The following HTR2C variants were observed in gnomAD, a reference collection of about 807,000 sequenced individuals.
The protein encoded by HTR2C is 5-hydroxytryptamine receptor 2C.
Under a neutral mutation model 21.0 loss-of-function variants are expected in HTR2C, and 5 were observed. That is an observed-to-expected ratio of 0.24 (90% CI 0.12 to 0.50). The LOEUF (loss-of-function observed/expected upper bound fraction) is 0.50, where lower values mean the gene tolerates loss of function less well. Among genes scored for constraint, HTR2C ranks in the 20% least tolerant of loss-of-function variants. The probability of loss-of-function intolerance (pLI) is 0.98; values close to 1 mark genes in which losing one functional copy is unlikely to be tolerated. For synonymous variants in HTR2C, 150 were observed against 145.3 expected, an observed-to-expected ratio of 1.03 and a Z score of -0.23; for missense variants, 271 against 371.2, an observed-to-expected ratio of 0.73 and a Z score of 2.22.
At chrX:114,764,863 CAA>C (rs1556433908) in intron 4 of HTR2C, among the ~76,000 whole-genome samples, 2 of 104,721 alleles carry the variant, frequency 1.9e-5, no homozygotes, top group African/African-American at 7.2e-5. Flanking sequence ...TTCATGGAAT[CAA>C]TCTTTCTTTC....
intron 4 of HTR2C, among the ~76,000 whole-genome samples, chrX:114,789,589 G>A (rs1373881147): frequency 3.6e-5 from 4 of 110,955 alleles, no homozygotes; most frequent in African/African-American, 1.3e-4. Flanking sequence ...TTAAAAAAAT[G>A]TTAACGACCT....
rs782026586 is a variant in HTR2C at position 114,795,406 on chromosome X, T to G, written c.350-52597T>G. On this transcript the variant is annotated intron_variant, in intron 4 of 5. Coordinates refer to ENST00000276198, the MANE Select transcript of HTR2C (RefSeq NM_000868.4). Reference sequence around the variant, plus strand: ...TGTCAATTTTGGCTTTTGTTGCCATTGCTTTTGGTGTTTTAGACATGAAGT... The same window carrying G: ...TGTCAATTTTGGCTTTTGTTGCCATGGCTTTTGGTGTTTTAGACATGAAGT... Among the ~76,000 whole-genome samples the G allele has an allele frequency of 5.3e-3, 591 of 111,146 alleles. 4 individuals carry two copies. The highest frequency in any genetic ancestry group is 0.018 in the African/African-American group (566 of 30,638).
intron 4 of HTR2C, among the ~76,000 whole-genome samples, chrX:114,837,759 C>A (rs1320743635): frequency 9.1e-6 from 1 of 109,965 alleles, no homozygotes; most frequent in Non-Finnish European, 1.9e-5. Context: ...CAAAGTTATA[C>A]AAGTTAGTTT....
At chrX:114,885,781 G>A (rs1367651991) in intron 5 of HTR2C, among the ~76,000 whole-genome samples, 3 of 111,147 alleles carry the variant, frequency 2.7e-5, no homozygotes, top group Admixed American at 9.6e-5. Flanking sequence ...AAGAATGCAA[G>A]AAAAATAAAT....
At chrX:114,856,352 C>G (rs1488551554) in intron 5 of HTR2C, among the ~76,000 whole-genome samples, 2 of 99,543 alleles carry the variant, frequency 2.0e-5, no homozygotes, top group African/African-American at 7.3e-5. Context: ...ACATTCCATG[C>G]TCATGGGTAG....
intron 2 of HTR2C, among the ~76,000 whole-genome samples, chrX:114,690,750 C>T (rs1348427217): frequency 9.0e-6 from 1 of 111,068 alleles, no homozygotes; most frequent in Non-Finnish European, 1.9e-5. Flanking sequence ...GAACTCAATA[C>T]GGATTAAAAA....
At chrX:114,641,058 TTCTTTTCTTTTC>T (rs1262696003) in intron 2 of HTR2C, among the ~76,000 whole-genome samples, 8 of 102,092 alleles carry the variant, frequency 7.8e-5, no homozygotes, top group African/African-American at 3.1e-4. Context: ...CTTTCTTTTT[TTCTTTTCTTTTC>T]TTTTCTTTTC....
intron 2 of HTR2C, among the ~76,000 whole-genome samples, chrX:114,715,961 C>T (rs782461695): frequency 5.3e-5 from 6 of 112,567 alleles, no homozygotes; most frequent in East Asian, 2.8e-4. Flanking sequence ...AATAAGCAAT[C>T]GATAAATATT....
At chrX:114,783,043 AAGT>A (rs1393731949) in intron 4 of HTR2C, among the ~76,000 whole-genome samples, 1 of 112,001 alleles carries the variant, frequency 8.9e-6, no homozygotes, top group Non-Finnish European at 1.9e-5. Flanking sequence ...TTAGCAGAAT[AAGT>A]AGACTGCATT....
chrX:114,844,249 T>G (rs73222956), intron 4 of HTR2C, among the ~76,000 whole-genome samples: 24 of 111,669 alleles, frequency 2.1e-4, no homozygotes, highest in Non-Finnish European at 3.6e-4. Flanking sequence ...AGGATGAAGA[T>G]GTAAAGAAGC....
intron 5 of HTR2C, among the ~76,000 whole-genome samples, chrX:114,893,350 G>A (rs1401392840): frequency 9.0e-6 from 1 of 111,397 alleles, no homozygotes; most frequent in African/African-American, 3.3e-5. Context: ...ATTGGCACAA[G>A]AATAAAGAAA....
At chrX:114,626,181 C>T (rs1556402765) in intron 2 of HTR2C, among the ~76,000 whole-genome samples, 2 of 105,297 alleles carry the variant, frequency 1.9e-5, no homozygotes, top group East Asian at 2.9e-4. Flanking sequence ...TGGGACTGGC[C>T]AGCCTAGGCA....
chrX:114,712,420 T>C (rs782371226), intron 2 of HTR2C, among the ~76,000 whole-genome samples: 1 of 111,759 alleles, frequency 8.9e-6, no homozygotes, highest in African/African-American at 3.2e-5. Flanking sequence ...ACCTATTTAG[T>C]CCCTGATCTT....
chrX:114,764,922 TC>T (rs2069928306), intron 4 of HTR2C, among the ~76,000 whole-genome samples: 6 of 29,988 alleles, frequency 2.0e-4, no homozygotes, highest in Non-Finnish European at 4.2e-4. Flanking sequence ...TTTCTTTCTT[TC>T]TTTTCCTTCC....
intron 2 of HTR2C, among the ~76,000 whole-genome samples, chrX:114,703,773 C>G (rs1932650091): frequency 3.6e-5 from 4 of 110,391 alleles, no homozygotes; most frequent in Admixed American, 2.9e-4. Flanking sequence ...AATCCGGGAG[C>G]TGGTTTTTTG....
intron 5 of HTR2C, among the ~76,000 whole-genome samples, chrX:114,902,973 T>G (rs1447461715): frequency 8.9e-6 from 1 of 111,933 alleles, no homozygotes; most frequent in Non-Finnish European, 1.9e-5. Context: ...TTCTCATATA[T>G]GTATCCACAT....
At chrX:114,799,279 T>G (rs1305958010) in intron 4 of HTR2C, among the ~76,000 whole-genome samples, 4 of 110,909 alleles carry the variant, frequency 3.6e-5, no homozygotes, top group Non-Finnish European at 7.6e-5. Context: ...AAGATAATAT[T>G]CTGTAGAGAA....
chrX:114,907,879 T>TA lies in HTR2C; in HGVS notation c.*464_*465insA. The stretch of plus-strand genomic sequence containing the variant: ...GTAAATATACACTTTACATTCTTGC[T>TA]CTGCTCATCTACACATATAAACACA... On this transcript the variant is annotated 3_prime_UTR_variant, in exon 6 of 6. Transcript: ENST00000276198. 65 of 115,439 alleles carry TA rather than the reference T, an allele frequency of 5.6e-4. No homozygotes were observed. Among genetic ancestry groups the TA allele is most frequent in the South Asian group, 2.4e-3 (7 of 2,906 alleles). The allele number at this position is 115,439 out of a possible 1,213,427, so 9.5% of individuals were successfully genotyped here. A position where few individuals can be genotyped will look rare whatever the true frequency, so the allele number is the denominator to read the frequency against.
chrX:114,684,257 A>G (rs1024647560), intron 2 of HTR2C, among the ~76,000 whole-genome samples: 3 of 111,578 alleles, frequency 2.7e-5, no homozygotes, highest in Admixed American at 1.9e-4. Context: ...TGCTTGTCAC[A>G]TTTTCTAAAA....
Sources: allele counts gnomAD v4.1 joint callset (sites outside exome capture counted in the v4.1 genomes callset), GRCh38; gene constraint gnomAD v4.1.1; transcripts MANE v1.5; gene names NCBI Gene and HGNC (gene_info 2026-07-23, HGNC 2026-07-21).